Variants in HDC observed in about 807,000 individuals in gnomAD.
HDC encodes the protein histidine decarboxylase.
A neutral mutation model predicts 64.4 loss-of-function variants in HDC; 27 were observed. The ratio of observed to expected loss-of-function variants is 0.42; its 90% confidence interval spans 0.31 to 0.58. The LOEUF (loss-of-function observed/expected upper bound fraction) is 0.58. Ranked by LOEUF, HDC falls within the 20% of genes least tolerant of loss-of-function variation. The pLI, the probability that HDC is intolerant of heterozygous loss-of-function variation, is 0.16. For synonymous variants in HDC, 305 were observed against 314.2 expected (o/e 0.97, Z 0.31); for missense variants, 711 against 833.9 (o/e 0.85, Z 1.81).
Position 50,242,935 on chromosome 15 carries a change from G to A in HDC, c.1314C>T (p.Ala438=), listed in dbSNP as rs779678641. ...GGATGATTAACTTGTCCTGGATAGT[G>A]GCCGGGATGAGGAAGAGACGGCCAG... is the stretch of plus-strand genomic sequence containing the variant. The part of the protein sequence containing the change: ...AKAGRLFLIP[A]TIQDKLIIRF... Residue 438 remains alanine (A), a synonymous_variant, in exon 12 of 12, where the codon GCC becomes GCT. Coordinates refer to ENST00000267845, the MANE Select transcript of HDC (RefSeq NM_002112.4). 4 of 1,614,114 alleles carry A rather than the reference G, an allele frequency of 2.5e-6. No homozygotes were observed. The South Asian group carries it at 4.4e-5, about 18-fold the overall frequency.
chr15:50,262,772 C>A (rs1402188629), intron 2 of HDC, among the ~76,000 whole-genome samples: 2 of 152,158 alleles, frequency 1.3e-5, no homozygotes, highest in African/African-American at 4.8e-5. Flanking sequence ...GGATGTGTTC[C>A]CCACTTCCTT....
chr15:50,243,120 A>C (rs772146486), intron 11 of HDC, 23 bp downstream of exon 11: 23 of 1,611,092 alleles, frequency 1.4e-5, no homozygotes, highest in Middle Eastern at 3.3e-4. Context: ...TCATTCACAG[A>C]GGGGCTTGGA....
chr15:50,262,785 T>C (rs1353974258), intron 2 of HDC, among the ~76,000 whole-genome samples: 1 of 152,198 alleles, frequency 6.6e-6, no homozygotes, highest in Non-Finnish European at 1.5e-5. Context: ...ACTTCCTTCC[T>C]TCTCTTTGGT....
At chr15:50,255,320 C>G (rs1595708095) in intron 4 of HDC, among the ~76,000 whole-genome samples, 1 of 152,282 alleles carries the variant, frequency 6.6e-6, no homozygotes, top group East Asian at 1.9e-4. Context: ...GGTTCCTTAT[C>G]ATTCATTCAC....
chr15:50,260,801 C>T (rs1188816732), intron 2 of HDC, among the ~76,000 whole-genome samples: 2 of 152,182 alleles, frequency 1.3e-5, no homozygotes, highest in Non-Finnish European at 2.9e-5. Flanking sequence ...GCCCAGACAC[C>T]CGAGCAGGGT....
Position 50,254,555 on chromosome 15 carries a change from C to T in HDC, c.551G>A (p.Arg184Gln), listed in dbSNP as rs747227627. Residue 184 changes from arginine to glutamine, a missense_variant, in exon 5 of 12, where the codon CGA becomes CAA. By Grantham distance (43) the Arg-to-Gln change is conservative. Transcript: ENST00000267845. ...CTGGTCAGAGGCATAGGCCACGAGTCGGGCATTTAGGCAGGACTCATCAGC... is the reference window on the plus strand; with the variant it reads ...CTGGTCAGAGGCATAGGCCACGAGTTGGGCATTTAGGCAGGACTCATCAGC... Reference protein sequence around the residue: ...PDADESCLNARLVAYASDQAH... With the variant: ...PDADESCLNAQLVAYASDQAH... 2.1e-5 allele frequency: 34 copies of T among 1,614,104 alleles called. No homozygotes were observed. Among genetic ancestry groups the T allele is most frequent in the Non-Finnish European group, 2.5e-5 (30 of 1,180,058 alleles).
chr15:50,247,026 G>A (rs925912477), intron 10 of HDC, among the ~76,000 whole-genome samples: 1 of 152,190 alleles, frequency 6.6e-6, no homozygotes, highest in African/African-American at 2.4e-5. Context: ...ACTCAAACGT[G>A]GGAGTTAAAA....
Position 50,242,497 on chromosome 15 carries a change from G to A in HDC, c.1752C>T (p.Ser584=), listed in dbSNP as rs756208359. 1.9e-6 allele frequency: 3 copies of A among 1,614,016 alleles called. No individual in the cohort carries two copies. The highest frequency in any genetic ancestry group is 2.5e-6 in the Non-Finnish European group (3 of 1,180,032). ...SVQTKKKTVR[S]LSCNSVPVSA... ...TCACTGGCACACTGTTGCAACTGAG[G>A]GAGCGCACCGTCTTCTTCTTAGTCT... is the stretch of plus-strand genomic sequence containing the variant. The change falls in exon 12 of 12, where the codon TCC becomes TCT. Residue 584 remains serine, a synonymous_variant. Coordinates refer to ENST00000267845, the MANE Select transcript of HDC (RefSeq NM_002112.4).
chr15:50,255,724 C>A (rs1414769909), intron 4 of HDC, among the ~76,000 whole-genome samples: 1 of 152,136 alleles, frequency 6.6e-6, no homozygotes, highest in African/African-American at 2.4e-5. Flanking sequence ...TGCTTGGGCC[C>A]AGGAGATGGA....
intron 2 of HDC, among the ~76,000 whole-genome samples, chr15:50,260,350 C>T (rs2045686479): frequency 6.6e-6 from 1 of 152,034 alleles, no homozygotes; most frequent in South Asian, 2.1e-4. Context: ...AAAAGGAGGT[C>T]TCAAAAAGTG....
intron 7 of HDC, 51 bp from the exon 8 acceptor site, chr15:50,252,825 G>A: frequency 6.4e-7 from 1 of 1,559,502 alleles, no homozygotes; most frequent in South Asian, 1.2e-5. Flanking sequence ...AGTGGGGAAA[G>A]ATGTCTCGCA....
chr15:50,253,296 A>G, intron 7 of HDC: 1 of 460,694 alleles, frequency 2.2e-6, no homozygotes, highest in Non-Finnish European at 4.0e-6. Context: ...TTTTGGATAT[A>G]GCCTGCATTA....
At chr15:50,258,714 T>C (rs1022598531) in intron 2 of HDC, among the ~76,000 whole-genome samples, 197 bp from the exon 3 acceptor site, 3 of 152,234 alleles carry the variant, frequency 2.0e-5, no homozygotes, top group East Asian at 3.8e-4. Flanking sequence ...CCATGTCCTA[T>C]GCTAGATCAT....
At chr15:50,259,733 C>T (rs1894236) in intron 2 of HDC, among the ~76,000 whole-genome samples, 26,071 of 152,086 alleles carry the variant, frequency 0.17, 2,427 homozygotes, top group South Asian at 0.24. Flanking sequence ...CTTCCCTGAG[C>T]GATAGAACTC....
chr15:50,264,023 T>C (rs2140944940), intron 1 of HDC, among the ~76,000 whole-genome samples: 1 of 152,292 alleles, frequency 6.6e-6, no homozygotes, highest in South Asian at 2.1e-4. Context: ...TACCTTTCTT[T>C]CCTTCTCAGA....
At chr15:50,252,385 A>C in intron 9 of HDC, 45 bp downstream of exon 9, 1 of 1,526,878 alleles carries the variant, frequency 6.5e-7, no homozygotes, top group Non-Finnish European at 9.1e-7. Context: ...TACAGTTCCC[A>C]CTGGCCACCC....
At chr15:50,265,563 G>A in intron 1 of HDC, 30 bp downstream of exon 1, 2 of 1,609,700 alleles carry the variant, frequency 1.2e-6, no homozygotes, top group Non-Finnish European at 1.7e-6. Flanking sequence ...GTAGCAGCAG[G>A]GAAGAGGGCC....
Position 50,243,151 on chromosome 15 carries a change from G to A in HDC, c.1234C>T (p.Arg412Cys), listed in dbSNP as rs749851294. 7.4e-6 allele frequency: 12 copies of A among 1,613,424 alleles called. 1 individual carries two copies. The South Asian group carries it at 7.7e-5, about 10-fold the overall frequency. The stretch of plus-strand genomic sequence containing the variant: ...TTGGAAGATGGTATTACCTTTAGAC[G>A]AAAAACCACCAGGCCAAGGTGCCTC... ...AKRHLGLVVF[R>C]LKGPNCLTEN... The change falls in exon 11 of 12, where the codon CGT becomes TGT. Residue 412 changes from arginine (R) to cysteine (C), a missense_variant. Physicochemically the swap from Arg to Cys is radical, Grantham distance 180 (BLOSUM62 -3). This residue lies in a region of HDC where 483 missense variants were observed against 540.9 expected (regional missense o/e 0.89). Transcript: ENST00000267845.
intron 11 of HDC, 67 bp downstream of exon 11, chr15:50,243,074 TTG>T: frequency 6.2e-7 from 1 of 1,613,776 alleles, no homozygotes; most frequent in Non-Finnish European, 8.5e-7. Context: ...AGCCCAGCAT[TTG>T]TGTTTCCGAG....
Sources: allele counts gnomAD v4.1 joint callset (sites outside exome capture counted in the v4.1 genomes callset), GRCh38; gene constraint gnomAD v4.1.1; regional missense constraint gnomAD v4.1.1; transcripts MANE v1.5; gene names NCBI Gene and HGNC (gene_info 2026-07-23, HGNC 2026-07-21).